The following SLCO3A1 variants were observed in gnomAD, a reference collection of about 807,000 sequenced individuals.
The protein encoded by SLCO3A1 is solute carrier organic anion transporter family member 3A1.
Under a neutral mutation model 63.1 loss-of-function variants are expected in SLCO3A1, and 27 were observed. The ratio of observed to expected loss-of-function variants is 0.43; its 90% CI spans 0.32 to 0.59. The LOEUF (loss-of-function observed/expected upper bound fraction) is 0.59. SLCO3A1 is among the 20% of genes least tolerant of loss of function. The pLI, the probability that SLCO3A1 is intolerant of heterozygous loss-of-function variation, is 0.09. For missense variants in SLCO3A1, 773 were observed against 945.8 expected (o/e 0.82, Z 2.40); for synonymous variants, 473 against 409.9 (o/e 1.15, Z -1.86).
At chr15:92,152,737 T>G (rs562311552) in intron 9 of SLCO3A1, among the ~76,000 whole-genome samples, 24 of 152,350 alleles carry the variant, frequency 1.6e-4, no homozygotes, top group Non-Finnish European at 3.1e-4. Context: ...ATTCCACATA[T>G]GCATTTGTTC....
rs2046687013 is a variant in SLCO3A1, at chr15:92,033,840, G to A, written c.647-61041G>A. Among the ~76,000 whole-genome samples, 1 of 152,168 alleles carries A rather than the reference G, an allele frequency of 6.6e-6. No individual in the cohort carries two copies. Among genetic ancestry groups the A allele is most frequent in the Non-Finnish European group, 1.5e-5 (1 of 68,034 alleles). ...CAAGGGAGTGAGGGACAAGCCGGGA[G>A]GTTATCTGGAGGAAAAACATTCCAG... On this transcript the variant is annotated intron_variant, in intron 2 of 9. Coordinates refer to ENST00000318445, the MANE Select transcript of SLCO3A1 (RefSeq NM_013272.4). This position sits in a 1 kb window ranked among gnomAD's most constrained non-coding sequence, Gnocchi z 4.5.
intron 1 of SLCO3A1, among the ~76,000 whole-genome samples, chr15:91,874,445 T>C (rs937425845): frequency 6.6e-6 from 1 of 152,184 alleles, no homozygotes; most frequent in African/African-American, 2.4e-5. Flanking sequence ...GCCACCACTG[T>C]TCACTTCCTA....
At position 92,099,366 on chromosome 15, in the gene SLCO3A1, G is replaced by A. The variant is rs182847872; in HGVS notation, c.745+4387G>A. Among the ~76,000 whole-genome samples the A allele has an allele frequency of 4.1e-3, 619 of 152,072 alleles. 5 individuals are homozygous for A. The highest frequency in any genetic ancestry group is 0.014 in the African/African-American group (576 of 41,468). The stretch of plus-strand genomic sequence containing the variant: ...CTGTCTCCAGTTTCTAATTAGGTTT[G>A]TAACTTAATGATACTCTTGGAATTC... On this transcript the variant is annotated intron_variant, in intron 3 of 9. Coordinates refer to ENST00000318445, the MANE Select transcript of SLCO3A1 (RefSeq NM_013272.4).
chr15:92,055,770 C>T (rs574864608), intron 2 of SLCO3A1, among the ~76,000 whole-genome samples: 39 of 152,246 alleles, frequency 2.6e-4, no homozygotes, highest in South Asian at 8.3e-4. Context: ...CATCTTGAAT[C>T]GAGGTTATCA....
At chr15:91,973,441 T>C (rs1438773230) in intron 2 of SLCO3A1, among the ~76,000 whole-genome samples, 9 of 152,288 alleles carry the variant, frequency 5.9e-5, no homozygotes, top group East Asian at 5.8e-4. Context: ...GATACAATTA[T>C]CTTTAGTTGG....
At chr15:91,903,529 G>T (rs1365082481) in intron 1 of SLCO3A1, among the ~76,000 whole-genome samples, 1 of 152,150 alleles carries the variant, frequency 6.6e-6, no homozygotes, top group Non-Finnish European at 1.5e-5. Flanking sequence ...AGAGCAGGGG[G>T]TCTTATGGTG....
intron 4 of SLCO3A1, among the ~76,000 whole-genome samples, chr15:92,118,722 A>G (rs1420016742): frequency 6.6e-6 from 1 of 152,088 alleles, no homozygotes; most frequent in East Asian, 1.9e-4. Flanking sequence ...CCACCACGGC[A>G]CTGATCAGTT....
At chr15:91,999,166 G>T (rs1005265836) in intron 2 of SLCO3A1, among the ~76,000 whole-genome samples, 4 of 152,212 alleles carry the variant, frequency 2.6e-5, no homozygotes, top group Admixed American at 2.0e-4. Context: ...AAGGGTGAAA[G>T]GCTCTTGGGT....
chr15:92,087,153 A>T (rs1333862192), intron 2 of SLCO3A1, among the ~76,000 whole-genome samples: 1 of 71,416 alleles, frequency 1.4e-5, no homozygotes, highest in African/African-American at 5.3e-5. Flanking sequence ...TTCCCCCACC[A>T]CCCCCCTCCC....
intron 1 of SLCO3A1, among the ~76,000 whole-genome samples, chr15:91,902,994 G>A (rs1280611505): frequency 6.6e-6 from 1 of 152,220 alleles, no homozygotes; most frequent in African/African-American, 2.4e-5. Context: ...AGTGATAGCA[G>A]CGGTGCTTGT....
chr15:92,108,293 C>T (rs1435220368), intron 4 of SLCO3A1, among the ~76,000 whole-genome samples: 1 of 152,246 alleles, frequency 6.6e-6, no homozygotes, highest in East Asian at 1.9e-4. Context: ...TACTTCTCAG[C>T]TGCGCCACCA....
At chr15:92,142,125 A>G (rs552281760) in intron 7 of SLCO3A1, among the ~76,000 whole-genome samples, 56 of 152,350 alleles carry the variant, frequency 3.7e-4, no homozygotes, top group African/African-American at 1.3e-3. Context: ...GGAGAGATCC[A>G]TCCATTTCCA....
At position 92,151,636 on chromosome 15, in the gene SLCO3A1, C is replaced by T. The variant is rs143678535; in HGVS notation, c.1753+622C>T. Among the ~76,000 whole-genome samples the T allele has an allele frequency of 1.2e-3, 189 of 152,300 alleles. 1 individual carries two copies. Among genetic ancestry groups the T allele is most frequent in the Middle Eastern group, 0.01 (3 of 292 alleles). ...CCTTCCTGGGCACTGGCTGGGCTGA[C>T]GCTGGGCCTGGTTCCCAGCTATGCC... On this transcript the variant is annotated intron_variant, in intron 9 of 9. Transcript: ENST00000318445.
intron 2 of SLCO3A1, among the ~76,000 whole-genome samples, chr15:92,063,655 G>A (rs2047113079): frequency 2.0e-5 from 3 of 152,162 alleles, no homozygotes; most frequent in Non-Finnish European, 2.9e-5. Flanking sequence ...TTTGAGACCA[G>A]CCTGACCAAT....
chr15:92,162,999 G>A lies in SLCO3A1; in HGVS notation c.1997G>A (p.Ser666Asn). Reference protein sequence around the residue: ...IKNHEGGLSTSEFFASTLTLD... With the variant: ...IKNHEGGLSTNEFFASTLTLD... ...AACCACGAGGGCGGGCTGAGCACCAGTGAGTTCTTTGCCTCTACTCTGACC... is the reference window on the plus strand; with the variant it reads ...AACCACGAGGGCGGGCTGAGCACCAATGAGTTCTTTGCCTCTACTCTGACC... The change falls in exon 10 of 10, where the codon AGT (serine) becomes AAT (asparagine). Residue 666 changes from serine to asparagine, a missense_variant. By Grantham distance (46) the Ser-to-Asn change is conservative. Transcript: ENST00000318445. 3 of 1,613,288 alleles carry A rather than the reference G, an allele frequency of 1.9e-6. No individual in the cohort carries two copies. In the South Asian group the frequency reaches 3.3e-5, roughly 18 times the overall value.
Position 92,147,118 on chromosome 15 carries a change from C to G in SLCO3A1, c.1647C>G (p.Ile549Met), listed in dbSNP as rs78550975. The change falls in exon 8 of 10, where the codon ATC becomes ATG. Residue 549 changes from isoleucine (I) to methionine (M), a missense_variant. Ile to Met is a conservative substitution (Grantham distance 10). Transcript: ENST00000318445. Reference sequence around the variant, plus strand: ...GTGTGATGTGTATCTGCAGCCTGATCGGTGCCATGGCACAGACACCCTCAG... The same window carrying G: ...GTGTGATGTGTATCTGCAGCCTGATGGGTGCCATGGCACAGACACCCTCAG... ...FLCVMCICSL[I>M]GAMAQTPSVI... 4.3e-6 allele frequency: 7 copies of G among 1,612,482 alleles called. No homozygotes were observed. Among genetic ancestry groups the G allele is most frequent in the East Asian group, 4.5e-5 (2 of 44,886 alleles).
chr15:91,867,317 A>T (rs926573165), intron 1 of SLCO3A1, among the ~76,000 whole-genome samples: 5 of 152,198 alleles, frequency 3.3e-5, no homozygotes, highest in African/African-American at 1.2e-4. Flanking sequence ...AAGGGGCTGA[A>T]GGATGCAGAA....
chr15:91,981,655 G>T (rs141244610), intron 2 of SLCO3A1, among the ~76,000 whole-genome samples: 2 of 152,102 alleles, frequency 1.3e-5, no homozygotes, highest in African/African-American at 4.8e-5. Context: ...CCTTTGGGCC[G>T]TGAGGTCATG....
chr15:91,998,487 A>C (rs2046217414), intron 2 of SLCO3A1, among the ~76,000 whole-genome samples: 2 of 152,164 alleles, frequency 1.3e-5, no homozygotes, highest in South Asian at 4.1e-4. Context: ...AAAGACATGA[A>C]CAGACACTTC....
Sources: gnomAD v4.1 joint callset for allele counts (sites outside exome capture counted in the v4.1 genomes callset) on GRCh38, gnomAD v4.1.1 for gene constraint, Gnocchi (gnomAD v3.1) non-coding constraint, MANE v1.5 for transcripts, NCBI Gene and HGNC (gene_info 2026-07-23, HGNC 2026-07-21) for gene names.